The following THOC7 variants were observed in gnomAD, a reference collection of about 807,000 sequenced individuals.
THOC7 encodes the protein NIF3L1-binding protein 1.
In THOC7, 22 loss-of-function variants were observed where a neutral mutation model predicts 33.1. That is an observed-to-expected ratio of 0.66 (90% confidence interval 0.47 to 0.95). THOC7 has a LOEUF of 0.95. Ranked by LOEUF, THOC7 falls within the 40% of genes least tolerant of loss-of-function variation. The pLI, the probability that THOC7 is intolerant of heterozygous loss-of-function variation, is 0.00. For synonymous variants in THOC7, 77 were observed against 76.8 expected (o/e 1.00, Z -0.01); for missense variants, 184 against 245.3 (o/e 0.75, Z 1.67).
chr3:63,850,239 TGCCCAG>T lies in THOC7; in HGVS notation c.20-10472_20-10467del, dbSNP rs147830752. Among the ~76,000 whole-genome samples, 413 of 152,196 alleles carry T rather than the reference TGCCCAG, an allele frequency of 2.7e-3. 11 individuals carry two copies. The East Asian group carries it at 0.069, about 25-fold the overall frequency. ...CTTAGAGATGGAGTTTCACTCCCAT[TGCCCAG>T]GCTAGAGTGCGGTGGTGTGATCTCG... On this transcript the variant is annotated intron_variant, in intron 1 of 7. Coordinates refer to ENST00000295899, the MANE Select transcript of THOC7 (RefSeq NM_025075.4).
At chr3:63,839,220 C>T (rs377428494) in intron 2 of THOC7, among the ~76,000 whole-genome samples, 3 of 152,138 alleles carry the variant, frequency 2.0e-5, no homozygotes, top group African/African-American at 7.2e-5. Context: ...TACGTGTGTG[C>T]GTGTGTATCA....
rs532033205 is a variant in THOC7, at chr3:63,838,447, T to C, written c.190A>G (p.Met64Val). The change falls in exon 3 of 8, where the codon ATG (methionine) becomes GTG (valine). Residue 64 changes from methionine (M) to valine (V), a missense_variant. Coordinates refer to ENST00000295899, the MANE Select transcript of THOC7 (RefSeq NM_025075.4). ...LSTLSQCEFS[M>V]GKTLLVYDMN... Reference sequence around the variant, plus strand: ...TCATATACTAGTAAAGTTTTGCCCATTGAAAATTCACATTGAGACAGCGTG... The same window carrying C: ...TCATATACTAGTAAAGTTTTGCCCACTGAAAATTCACATTGAGACAGCGTG... 1.4e-5 allele frequency: 23 copies of C among 1,610,576 alleles called. No individual in the cohort carries two copies. The highest frequency in any genetic ancestry group is 4.4e-5 in the South Asian group (4 of 90,338).
intron 7 of THOC7, 21 bp from the exon 8 acceptor site, chr3:63,834,220 T>C (rs1559601235): frequency 6.2e-7 from 1 of 1,612,996 alleles, no homozygotes; most frequent in Non-Finnish European, 8.5e-7. Flanking sequence ...GAAGGAAACA[T>C]AAAACCTTAG....
At chr3:63,864,344 C>T (rs1702335827), upstream of THOC7, among the ~76,000 whole-genome samples, 1 of 151,920 alleles carries the variant, frequency 6.6e-6, no homozygotes, top group South Asian at 2.1e-4. Flanking sequence ...CGCCCGGATC[C>T]GGCTGAGCCC....
chr3:63,863,074 T>A (rs1361142213), intron 1 of THOC7: 1 of 152,596 alleles, frequency 6.6e-6, no homozygotes, highest in Non-Finnish European at 1.5e-5. Context: ...CAGGTACACT[T>A]CCTGATCACC....
intron 1 of THOC7, among the ~76,000 whole-genome samples, chr3:63,848,990 T>C (rs1173608827): frequency 6.6e-6 from 1 of 152,254 alleles, no homozygotes; most frequent in Non-Finnish European, 1.5e-5. Flanking sequence ...GTTGTCTGCA[T>C]AAGTTCAACA....
intron 1 of THOC7, chr3:63,845,193 G>A (rs1015822627): frequency 1.0e-5 from 5 of 482,008 alleles, no homozygotes; most frequent in East Asian, 6.0e-5. Context: ...ATTTAAGCTC[G>A]CTGATATCTT....
chr3:63,835,270 A>C (rs1280864234), intron 6 of THOC7, 47 bp from the exon 7 acceptor site: 1 of 1,609,322 alleles, frequency 6.2e-7, no homozygotes, highest in South Asian at 1.1e-5. Context: ...GTATATATAG[A>C]TATATAGACA....
intron 1 of THOC7, among the ~76,000 whole-genome samples, chr3:63,855,183 T>TA (rs1171923430): frequency 6.6e-6 from 1 of 152,012 alleles, no homozygotes; most frequent in African/African-American, 2.4e-5. Flanking sequence ...ACTGAAAACA[T>TA]AAAAAAACAG....
chr3:63,848,731 G>A (rs542406263), intron 1 of THOC7: 21 of 152,288 alleles, frequency 1.4e-4, no homozygotes, highest in African/African-American at 5.1e-4. Flanking sequence ...ACATGAGACT[G>A]ATTGAACTGA....
intron 1 of THOC7, among the ~76,000 whole-genome samples, chr3:63,851,596 A>G (rs1702020647): frequency 6.6e-6 from 1 of 152,312 alleles, no homozygotes; most frequent in Middle Eastern, 3.4e-3. Context: ...TATAATAATG[A>G]AGTTCCTTCT....
chr3:63,850,210 TTTAC>T (rs1337006978), intron 1 of THOC7, among the ~76,000 whole-genome samples: 1 of 152,080 alleles, frequency 6.6e-6, no homozygotes, highest in African/African-American at 2.4e-5. Flanking sequence ...TATTTATTTA[TTTAC>T]TTAGAGATGG....
chr3:63,842,630 T>C (rs187632919), intron 1 of THOC7, among the ~76,000 whole-genome samples: 2 of 152,198 alleles, frequency 1.3e-5, no homozygotes, highest in Admixed American at 6.5e-5. Context: ...TTCTCACTTA[T>C]AAGTGGGAGC....
chr3:63,862,416 A>C (rs1262086303), intron 1 of THOC7, among the ~76,000 whole-genome samples: 3 of 152,196 alleles, frequency 2.0e-5, no homozygotes, highest in Non-Finnish European at 4.4e-5. Flanking sequence ...TCACTCTTAA[A>C]ACTCATTAGT....
Position 63,833,907 on chromosome 3 carries a change from T to C in THOC7, c.*225A>G, listed in dbSNP as rs1701570373. ...GCATTTTATTAAGCATTTTTGGATG[T>C]TGCTTCCTACCACTTAAGAATAAAA... On this transcript the variant is annotated 3_prime_UTR_variant, in exon 8 of 8. Transcript: ENST00000295899. The C allele has an allele frequency of 2.2e-6, 1 of 448,148 alleles. No individual in the cohort carries two copies. 27.8% of individuals were successfully genotyped at this position (448,148 alleles called of 1,614,324 possible).
intron 1 of THOC7, among the ~76,000 whole-genome samples, chr3:63,846,985 C>G (rs564941936): frequency 1.3e-5 from 2 of 152,234 alleles, no homozygotes; most frequent in African/African-American, 4.8e-5. Flanking sequence ...GGTGCTTCCC[C>G]AAATAAGCAA....
At chr3:63,848,270 G>A (rs776414467) in intron 1 of THOC7, 3 of 152,086 alleles carry the variant, frequency 2.0e-5, no homozygotes, top group Non-Finnish European at 4.4e-5. Context: ...TCTATTCTCT[G>A]TGAAGCCTGC....
In THOC7 at chr3:63,835,469, T is replaced by C. The variant is rs1026077151; in HGVS notation, c.411-79A>G. The C allele has an allele frequency of 3.1e-6, 4 of 1,282,788 alleles. No individual in the cohort carries two copies. The South Asian group carries it at 4.0e-5, about 13-fold the overall frequency. The allele number at this position is 1,282,788 out of a possible 1,614,324, so 79.5% of individuals were successfully genotyped here. On this transcript the variant is annotated intron_variant, in intron 5 of 7. Transcript: ENST00000295899. Reference sequence around the variant, plus strand: ...AATTAATGCCTAACTTTTAAGTTACTAGATAGGATTTTTAAAATAAAAAAA... The same window carrying C: ...AATTAATGCCTAACTTTTAAGTTACCAGATAGGATTTTTAAAATAAAAAAA...
chr3:63,856,308 A>G (rs868545348), intron 1 of THOC7, among the ~76,000 whole-genome samples: 2 of 152,100 alleles, frequency 1.3e-5, no homozygotes, highest in Non-Finnish European at 2.9e-5. Flanking sequence ...ACAAAAACAT[A>G]GAGTGAATAG....
Sources: allele counts gnomAD v4.1 joint callset (sites outside exome capture counted in the v4.1 genomes callset), GRCh38; gene constraint gnomAD v4.1.1; transcripts MANE v1.5; gene names NCBI Gene and HGNC (gene_info 2026-07-23, HGNC 2026-07-21).